Variants in FAS observed in about 807,000 individuals in gnomAD.
FAS encodes the protein tumor necrosis factor receptor superfamily member 6.
Under a neutral mutation model 33.2 loss-of-function variants are expected in FAS, and 5 were observed. The ratio of observed to expected loss-of-function variants is 0.15; its 90% CI spans 0.08 to 0.32. The LOEUF (loss-of-function observed/expected upper bound fraction) is 0.32, where lower values mean the gene tolerates loss of function less well. FAS is among the 10% of genes least tolerant of loss of function. The probability of loss-of-function intolerance (pLI) is 1.00; values close to 1 mark genes in which losing one functional copy is unlikely to be tolerated. For missense variants in FAS, 339 were observed against 386.0 expected, an observed-to-expected ratio of 0.88 and a Z score of 1.02; for synonymous variants, 131 against 130.7, an observed-to-expected ratio of 1.00 and a Z score of -0.01.
intron 8 of FAS, 41 bp downstream of exon 8, chr10:89,013,408 TTAGAG>T: frequency 6.3e-7 from 1 of 1,589,008 alleles, no homozygotes. Flanking sequence ...ATGGCATCCT[TTAGAG>T]TAATAGGCCA....
upstream of FAS, chr10:88,989,344 C>G (rs758790749): frequency 1.8e-4 from 56 of 311,110 alleles, no homozygotes; most frequent in Non-Finnish European, 3.3e-4. Context: ...CTTCTTTTTA[C>G]ATTTTTTTAT....
chr10:89,014,011 G>A, intron 8 of FAS, 108 bp from the exon 9 acceptor site: 2 of 1,156,960 alleles, frequency 1.7e-6, no homozygotes, highest in Non-Finnish European at 2.5e-6. Context: ...TAGACCTTTA[G>A]GACTTAGCTA....
intron 1 of FAS, among the ~76,000 whole-genome samples, chr10:88,971,054 T>C (rs1846434461): frequency 6.6e-6 from 1 of 152,236 alleles, no homozygotes; most frequent in Admixed American, 6.5e-5. Flanking sequence ...TGTCATGATC[T>C]ACAGATGGCA....
chr10:88,971,814 T>C (rs1034796724), intron 1 of FAS, among the ~76,000 whole-genome samples: 1 of 152,192 alleles, frequency 6.6e-6, no homozygotes, highest in Non-Finnish European at 1.5e-5. Flanking sequence ...CAGAGGGTGA[T>C]GCTCTGATGG....
At chr10:88,997,778 A>G (rs1441741528) in intron 1 of FAS, among the ~76,000 whole-genome samples, 1 of 152,182 alleles carries the variant, frequency 6.6e-6, no homozygotes, top group African/African-American at 2.4e-5. Context: ...AAAGTCTACA[A>G]GCAGACAAGC....
chr10:89,000,244 TTATA>T (rs1385717892), intron 1 of FAS, among the ~76,000 whole-genome samples: 1 of 152,170 alleles, frequency 6.6e-6, no homozygotes, highest in Non-Finnish European at 1.5e-5. Context: ...TAACCAAAAT[TTATA>T]TAAAGAATTC....
chr10:88,992,463 A>G (rs1360964644), intron 1 of FAS: 1 of 152,170 alleles, frequency 6.6e-6, no homozygotes, highest in African/African-American at 2.4e-5. Flanking sequence ...TGCTTGTTGA[A>G]CTTTTGTACC....
intron 1 of FAS, among the ~76,000 whole-genome samples, chr10:88,999,164 T>TAA (rs1457611221): frequency 3.1e-5 from 4 of 130,080 alleles, no homozygotes; most frequent in Non-Finnish European, 7.0e-5. Context: ...AAAAAATAAA[T>TAA]AAATAAATAA....
At chr10:88,964,153 C>G (rs1156511608) in intron 1 of FAS, among the ~76,000 whole-genome samples, 2 of 151,788 alleles carry the variant, frequency 1.3e-5, no homozygotes, top group African/African-American at 4.8e-5. Context: ...TTTAGTTTCA[C>G]ATATTTTGCA....
At chr10:88,991,277 G>C (rs1847189854) in intron 1 of FAS, 1 of 430,396 alleles carries the variant, frequency 2.3e-6, no homozygotes, top group Admixed American at 3.7e-5. Context: ...CGCTGGAGGG[G>C]GACCCCGGTT....
In FAS at chr10:89,015,179, G is replaced by A; in HGVS notation, c.*729G>A. 1 of 534,890 alleles carries A rather than the reference G, an allele frequency of 1.9e-6. No homozygotes were observed. Among genetic ancestry groups the A allele is most frequent in the Non-Finnish European group, 3.6e-6 (1 of 276,716 alleles). 33.1% of individuals were successfully genotyped at this position (534,890 alleles called of 1,614,324 possible). On this transcript the variant is annotated 3_prime_UTR_variant, in exon 9 of 9. Transcript: ENST00000652046. ...CATCAAAAGCATTTTGAGCAGGAGAGTATTACTAGAGCTTTGCCACCTCTC... is the reference window on the plus strand; with the variant it reads ...CATCAAAAGCATTTTGAGCAGGAGAATATTACTAGAGCTTTGCCACCTCTC...
upstream of FAS, among the ~76,000 whole-genome samples, chr10:88,986,613 T>C (rs981061970): frequency 6.6e-6 from 1 of 152,018 alleles, no homozygotes; most frequent in Non-Finnish European, 1.5e-5. Flanking sequence ...GCTTCAGGAA[T>C]GTGAGCATGG....
At chr10:88,977,709 A>C (rs1375945636) in intron 2 of FAS, among the ~76,000 whole-genome samples, 5 of 149,946 alleles carry the variant, frequency 3.3e-5, no homozygotes, top group African/African-American at 1.2e-4. Context: ...ATACCATCTC[A>C]CACCAGTTAG....
rs1341719324 is a variant in FAS, at chr10:88,996,198, T to G, written c.30+5292T>G. On this transcript the variant is annotated intron_variant, in intron 1 of 8. Coordinates refer to ENST00000652046, the MANE Select transcript of FAS (RefSeq NM_000043.6). ...GTCAGAGTATGCGGGTGAAGACTCT[T>G]GTTTTTTTGCTGAGGATTTAGCTTT... Among the ~76,000 whole-genome samples, 7 of 97,924 alleles carry G rather than the reference T, an allele frequency of 7.1e-5. No individual in the cohort carries two copies. In the East Asian group the frequency reaches 1.8e-3, roughly 25 times the overall value. The allele number at this position is 97,924 out of a possible 152,430, so 64.2% of individuals were successfully genotyped here.
intron 6 of FAS, among the ~76,000 whole-genome samples, chr10:89,011,216 C>T (rs2133533175): frequency 6.6e-6 from 1 of 152,330 alleles, no homozygotes; most frequent in Middle Eastern, 3.4e-3. Flanking sequence ...CCTCCTCTTC[C>T]TCGGCCTAAT....
chr10:89,011,679 G>T (rs960222191), intron 6 of FAS, among the ~76,000 whole-genome samples: 1 of 152,168 alleles, frequency 6.6e-6, no homozygotes, highest in Non-Finnish European at 1.5e-5. Flanking sequence ...TACGGCTTCT[G>T]CATCCTGCCA....
chr10:89,002,901 C>A, intron 1 of FAS, 128 bp from the exon 2 acceptor site: 1 of 943,334 alleles, frequency 1.1e-6, no homozygotes, highest in Non-Finnish European at 1.7e-6. Context: ...ATCTGAAAGA[C>A]AGTGGAGCCC....
At chr10:88,981,424 C>G (rs988805193) in intron 2 of FAS, among the ~76,000 whole-genome samples, 1 of 151,352 alleles carries the variant, frequency 6.6e-6, no homozygotes, top group African/African-American at 2.4e-5. Context: ...TATCTTCCAT[C>G]GTCGTGATTT....
In FAS at chr10:88,975,163, A is replaced by G. The variant is rs530608958; in HGVS notation, n.260+1816A>G. On this transcript the variant is annotated intron_variant and non_coding_transcript_variant, in intron 2 of 3. Transcript: ENST00000688239. ...AATGCTGTCAACGATTAAAAAAAAA[A>G]AAAACTCTCAAGCAAGAGCAAACAA... The G allele has an allele frequency of 1.5e-3, 224 of 152,300 alleles. 1 individual carries two copies. The highest frequency in any genetic ancestry group is 4.6e-3 in the African/African-American group (191 of 41,564). 9.4% of individuals were successfully genotyped at this position (152,300 alleles called of 1,614,324 possible). A position where few individuals can be genotyped will look rare whatever the true frequency, so the allele number is the denominator to read the frequency against.
Sources: allele counts gnomAD v4.1 joint callset (sites outside exome capture counted in the v4.1 genomes callset), GRCh38; gene constraint gnomAD v4.1.1; transcripts MANE v1.5; gene names NCBI Gene and HGNC (gene_info 2026-07-23, HGNC 2026-07-21).